SUCO: variants seen among roughly 807,000 people sequenced by gnomAD.
SUCO encodes SUN domain containing ossification factor.
In SUCO, 57 loss-of-function variants were observed where a neutral mutation model predicts 148.1. That is an observed-to-expected ratio of 0.38 (90% confidence interval 0.31 to 0.48). The LOEUF is 0.48. Among genes scored for constraint, SUCO ranks in the 20% least tolerant of loss-of-function variants. The pLI is 0.96. For missense variants in SUCO, 1,331 were observed against 1,468.2 expected, an observed-to-expected ratio of 0.91 and a Z score of 1.53; for synonymous variants, 470 against 502.7, an observed-to-expected ratio of 0.93 and a Z score of 0.87.
chr1:172,537,406 A>G (rs1019919829), intron 1 of SUCO, among the ~76,000 whole-genome samples: 1 of 152,200 alleles, frequency 6.6e-6, no homozygotes, highest in African/African-American at 2.4e-5. Context: ...AATAGCTTCA[A>G]CTACTTAGGA....
At chr1:172,532,416 G>A (rs73032187), upstream of SUCO, 174 of 1,381,050 alleles carry the variant, frequency 1.3e-4, no homozygotes, top group African/African-American at 2.3e-3. Context: ...CCGGCAAGCG[G>A]CGAAATTCTT....
intron 19 of SUCO, among the ~76,000 whole-genome samples, chr1:172,598,731 G>A (rs1571286076): frequency 6.6e-6 from 1 of 152,160 alleles, no homozygotes; most frequent in East Asian, 1.9e-4. Flanking sequence ...GATTAGAAGT[G>A]TTAATCAACT....
At position 172,600,093 on chromosome 1, in the gene SUCO, G is replaced by C. The variant is rs753495828; in HGVS notation, c.2943G>C (p.Leu981Phe). The change falls in exon 20 of 24, where the codon TTG becomes TTC. Residue 981 changes from leucine to phenylalanine, a missense_variant. Transcript: ENST00000263688. ...QDQRQTEAIQLLQAQLTNMTQ... is the reference protein window; with the variant it reads ...QDQRQTEAIQFLQAQLTNMTQ... The stretch of plus-strand genomic sequence containing the variant: ...AGCGGCAAACTGAAGCCATCCAGTT[G>C]CTACAGGCACAGCTGACCAACATGA... 5.0e-5 allele frequency: 80 copies of C among 1,606,774 alleles called. No individual in the cohort carries two copies. Among genetic ancestry groups the C allele is most frequent in the Non-Finnish European group, 6.4e-5 (76 of 1,178,620 alleles).
intron 19 of SUCO, among the ~76,000 whole-genome samples, chr1:172,596,107 G>A (rs1182200687): frequency 2.0e-5 from 3 of 152,078 alleles, no homozygotes; most frequent in Admixed American, 6.5e-5. Flanking sequence ...CGTAGTTCTC[G>A]TGCCATGGTT....
upstream of SUCO, chr1:172,532,749 CT>C (rs1271478604): frequency 6.2e-7 from 1 of 1,613,916 alleles, no homozygotes; most frequent in Non-Finnish European, 8.5e-7. Context: ...GGAAGGCAAA[CT>C]ACAACTCCCA....
chr1:172,536,399 G>C (rs891588486), intron 1 of SUCO, among the ~76,000 whole-genome samples: 1 of 152,088 alleles, frequency 6.6e-6, no homozygotes, highest in African/African-American at 2.4e-5. Flanking sequence ...TACTTCACAG[G>C]GTTGTTAGGA....
At chr1:172,586,171 G>A (rs920984908) in intron 17 of SUCO, among the ~76,000 whole-genome samples, 1 of 151,694 alleles carries the variant, frequency 6.6e-6, no homozygotes, top group South Asian at 2.1e-4. Context: ...TTTTTGGGGG[G>A]GGTATTATAT....
rs1656451330 is a variant in SUCO, at chr1:172,589,228, T to G, written c.2127T>G (p.Asp709Glu). ...LGDLSSSMHQ[D>E]DLVNHTVDAV... The stretch of plus-strand genomic sequence containing the variant: ...ATTTAAGTAGTAGTATGCACCAGGA[T>G]GACTTGGTGAATCACACTGTAGATG... The change falls in exon 18 of 24, where the codon GAT becomes GAG. Residue 709 changes from aspartate to glutamate, a missense_variant. This residue lies in a region of SUCO where 992 missense variants were observed against 1,093.5 expected (regional missense o/e 0.91). Coordinates refer to ENST00000263688, the MANE Select transcript of SUCO (RefSeq NM_014283.5). The G allele has an allele frequency of 1.2e-6, 2 of 1,613,852 alleles. No individual in the cohort carries two copies.
chr1:172,583,408 G>T (rs527940185), intron 15 of SUCO, among the ~76,000 whole-genome samples: 39 of 152,210 alleles, frequency 2.6e-4, no homozygotes, highest in African/African-American at 9.4e-4. Context: ...GACTTTCAGC[G>T]TATACACTCA....
At chr1:172,598,957 G>T (rs963906935) in intron 19 of SUCO, among the ~76,000 whole-genome samples, 24 of 152,134 alleles carry the variant, frequency 1.6e-4, no homozygotes, top group Admixed American at 1.3e-3. Context: ...CCACACACAG[G>T]TACACAGCTT....
intron 22 of SUCO, 22 bp downstream of exon 22, chr1:172,602,809 A>G: frequency 3.9e-6 from 6 of 1,528,320 alleles, no homozygotes; most frequent in Non-Finnish European, 5.4e-6. Flanking sequence ...TGGATATATA[A>G]TATGTATATA....
intron 1 of SUCO, among the ~76,000 whole-genome samples, chr1:172,545,312 A>G (rs1652774281): frequency 6.6e-6 from 1 of 152,188 alleles, no homozygotes; most frequent in African/African-American, 2.4e-5. Context: ...CAGTTAGGAA[A>G]AGATAAGGGC....
At chr1:172,552,602 A>G (rs1470219900) in intron 2 of SUCO, 46 of 978,750 alleles carry the variant, frequency 4.7e-5, no homozygotes, top group Non-Finnish European at 5.5e-5. Flanking sequence ...TATGTTGGAT[A>G]TATTTCTGGG....
chr1:172,609,393 C>G lies in SUCO; in HGVS notation c.3322-423C>G, dbSNP rs370031696. 41 of 962,342 alleles carry G rather than the reference C, an allele frequency of 4.3e-5. No individual in the cohort carries two copies. The African/African-American group carries it at 7.0e-4, about 17-fold the overall frequency. 59.6% of individuals were successfully genotyped at this position (962,342 alleles called of 1,614,324 possible). A position where few individuals can be genotyped will look rare whatever the true frequency, so the allele number is the denominator to read the frequency against. ...AAATAGCCTAAGATTCATTCTCAAC[C>G]CGGCTGCTTACTACATTGTAACTTG... On this transcript the variant is annotated intron_variant, in intron 23 of 23. Coordinates refer to ENST00000263688, the MANE Select transcript of SUCO (RefSeq NM_014283.5).
Position 172,570,703 on chromosome 1 carries a change from T to C in SUCO, c.1022T>C (p.Met341Thr). Reference sequence around the variant, plus strand: ...CTTATAGAAAATATGGATCTTTACATGTTGAATCCTTGCAGCACTAAAATT... The same window carrying C: ...CTTATAGAAAATATGGATCTTTACACGTTGAATCCTTGCAGCACTAAAATT... ...AILIENMDLY[M>T]LNPCSTKIWF... is the part of the protein sequence containing the mutation. The change falls in exon 9 of 24, where the codon ATG becomes ACG. Residue 341 changes from methionine to threonine, a missense_variant. Transcript: ENST00000263688. 1.2e-6 allele frequency: 2 copies of C among 1,608,352 alleles called. No homozygotes were observed. The highest frequency in any genetic ancestry group is 1.7e-6 in the Non-Finnish European group (2 of 1,175,406).
intron 17 of SUCO, chr1:172,588,168 GGT>G: frequency 1.0e-6 from 1 of 985,042 alleles, no homozygotes; most frequent in Non-Finnish European, 1.2e-6. Context: ...TATGTGTGTA[GGT>G]GTGTGTGTGC....
chr1:172,553,696 C>G (rs1357959634), intron 3 of SUCO, among the ~76,000 whole-genome samples: 11 of 152,086 alleles, frequency 7.2e-5, no homozygotes, highest in Non-Finnish European at 1.5e-5. Context: ...TAACCTGAAT[C>G]ACTTGGAACA....
chr1:172,577,440 A>G (rs1655530186), intron 11 of SUCO, 99 bp from the exon 12 acceptor site: 4 of 1,149,030 alleles, frequency 3.5e-6, no homozygotes, highest in Non-Finnish European at 2.5e-6. Flanking sequence ...TACTCTCTAT[A>G]CTTTATACAA....
chr1:172,610,216 C>T lies in SUCO; in HGVS notation c.3722C>T (p.Thr1241Ile). ...HDIIKGNKEI[T>I]VGTFGVTAVS... The stretch of plus-strand genomic sequence containing the variant: ...ATAATCAAAGGAAACAAAGAGATCA[C>T]CGTGGGAACATTTGGTGTTACAGCA... Residue 1241 changes from threonine to isoleucine, a missense_variant, in exon 24 of 24, where the codon ACC becomes ATC. Around this residue, in one of 3 missense-constraint regions of SUCO, gnomAD observed 334 missense variants for 352.3 expected, o/e 0.95. Transcript: ENST00000263688. The T allele has an allele frequency of 6.2e-7, 1 of 1,608,528 alleles. No homozygotes were observed. The highest frequency in any genetic ancestry group is 2.2e-5 in the East Asian group (1 of 44,836).
Sources: allele counts gnomAD v4.1 joint callset (sites outside exome capture counted in the v4.1 genomes callset), GRCh38; gene constraint gnomAD v4.1.1; regional missense constraint gnomAD v4.1.1; transcripts MANE v1.5; gene names NCBI Gene and HGNC (gene_info 2026-07-23, HGNC 2026-07-21).